Variants in NEMP2 observed in about 807,000 individuals in gnomAD.
NEMP2 encodes the protein UPF0571 transmembrane protein.
In NEMP2, 53 loss-of-function variants were observed where a neutral mutation model predicts 54.2. That is an observed-to-expected ratio of 0.98 (90% CI 0.78 to 1.23). The LOEUF (loss-of-function observed/expected upper bound fraction) is 1.23. Among genes scored for constraint, NEMP2 ranks in the 50% most tolerant of loss-of-function variants. NEMP2 has a pLI of 0.00. For synonymous variants in NEMP2, 197 were observed against 190.3 expected (o/e 1.04, Z -0.29); for missense variants, 455 against 511.3 (o/e 0.89, Z 1.06).
the NEMP2 span, among the ~76,000 whole-genome samples, chr2:190,468,913 A>C: frequency 6.6e-6 from 1 of 152,316 alleles, no homozygotes; most frequent in South Asian, 2.1e-4. Flanking sequence ...CAAGGGAGAA[A>C]GATAAATCCC....
In NEMP2 at chr2:190,510,287, T is replaced by G. The variant is rs896131668; in HGVS notation, c.1130+74A>C. 22 of 1,510,346 alleles carry G rather than the reference T, an allele frequency of 1.5e-5. No individual in the cohort carries two copies. The African/African-American group carries it at 2.4e-4, about 16-fold the overall frequency. 93.6% of individuals were successfully genotyped at this position (1,510,346 alleles called of 1,614,324 possible). A position where few individuals can be genotyped will look rare whatever the true frequency, so the allele number is the denominator to read the frequency against. ...CAGTCTATTTCTACCCTGAAGTGCC[T>G]GTACCAAACCATCATATTATTTTTT... is the stretch of plus-strand genomic sequence containing the variant. On this transcript the variant is annotated intron_variant, in intron 8 of 8. Transcript: ENST00000409150. This position sits in a 1 kb window ranked among gnomAD's most constrained non-coding sequence, Gnocchi z 5.7.
At chr2:190,544,651 A>G in the NEMP2 span, among the ~76,000 whole-genome samples, 1 of 152,206 alleles carries the variant, frequency 6.6e-6, no homozygotes, top group Non-Finnish European at 1.5e-5. Flanking sequence ...TGATTACTGA[A>G]TCATGGCTGG....
the NEMP2 span, among the ~76,000 whole-genome samples, chr2:190,466,948 A>G: frequency 6.6e-6 from 1 of 152,156 alleles, no homozygotes; most frequent in Non-Finnish European, 1.5e-5. Context: ...AGCACAATCT[A>G]CCTCCTAAAC....
rs970638281 is a variant in NEMP2 at position 190,529,408 on chromosome 2, C to T, written c.98-4030G>A. On this transcript the variant is annotated intron_variant, in intron 1 of 8. Transcript: ENST00000409150. This position sits in a 1 kb window ranked among gnomAD's most constrained non-coding sequence, Gnocchi z 4.7. ...AGCGAGCCCCCACATAAAGTTTCCT[C>T]AGTCTGCTGCAACCTTCTTCTCCCA... Among the ~76,000 whole-genome samples, 2 of 152,102 alleles carry T rather than the reference C, an allele frequency of 1.3e-5. No homozygotes were observed. The highest frequency in any genetic ancestry group is 4.1e-4 in the South Asian group (2 of 4,826).
the NEMP2 span, among the ~76,000 whole-genome samples, chr2:190,472,281 A>C: frequency 6.6e-6 from 1 of 152,248 alleles, no homozygotes; most frequent in Non-Finnish European, 1.5e-5. Context: ...AGACGATCAA[A>C]CTACTCCGAG....
At chr2:190,433,959 G>A in the NEMP2 span, among the ~76,000 whole-genome samples, 3 of 152,136 alleles carry the variant, frequency 2.0e-5, no homozygotes, top group Admixed American at 1.3e-4. The surrounding 1 kb of genome is among the most constrained non-coding windows in gnomAD (Gnocchi z 4.5). Context: ...GGGAGGCTGA[G>A]GCAAGAGGAT....
At chr2:190,551,888 C>T in the NEMP2 span, among the ~76,000 whole-genome samples, 1 of 152,324 alleles carries the variant, frequency 6.6e-6, no homozygotes, top group East Asian at 1.9e-4. Context: ...TCCCTCCTCT[C>T]CCGTTATCTG....
Position 190,525,337 on chromosome 2 carries a change from T to G in NEMP2, c.139A>C (p.Thr47Pro), listed in dbSNP as rs769096217. ...KALKEKDLIR[T>P]SESDCYCYNQ... ...TAGCAGTAACAGTCTGACTCAGACG[T>G]TCTAATTAAATCTTTTTCCTTCAAA... Residue 47 changes from threonine to proline, a missense_variant, in exon 2 of 9, where the codon ACG (threonine) becomes CCG (proline). By Grantham distance (38) the Thr-to-Pro change is conservative. Transcript: ENST00000409150. The surrounding 1 kb of genome is among the most constrained non-coding windows in gnomAD (Gnocchi z 5.0). 4.5e-6 allele frequency: 7 copies of G among 1,550,364 alleles called. No individual in the cohort carries two copies. The highest frequency in any genetic ancestry group is 6.1e-6 in the Non-Finnish European group (7 of 1,146,242).
downstream of NEMP2, chr2:190,501,845 C>T (rs947698732): frequency 6.6e-5 from 10 of 152,514 alleles, no homozygotes; most frequent in Non-Finnish European, 1.5e-5. Context: ...TTTAAGTGAC[C>T]TTTAAAATCA....
chr2:190,607,944 A>G, the NEMP2 span: 1 of 152,210 alleles, frequency 6.6e-6, no homozygotes, highest in African/African-American at 2.4e-5. The surrounding 1 kb of genome is among the most constrained non-coding windows in gnomAD (Gnocchi z 5.2). Flanking sequence ...GTCACTCCTT[A>G]TTGGTACTTT....
At chr2:190,643,023 G>GTTTTTTTTTTTTTTTTTTTTTT in the NEMP2 span, among the ~76,000 whole-genome samples, 2 of 79,566 alleles carry the variant, frequency 2.5e-5, 1 homozygote. Flanking sequence ...AATGGTTAAG[G>GTTTTTTTTTTTTTTTTTTTTTT]TTTTTTTTTT....
chr2:190,583,966 A>T, the NEMP2 span, among the ~76,000 whole-genome samples: 1 of 152,180 alleles, frequency 6.6e-6, no homozygotes, highest in East Asian at 1.9e-4. Context: ...TAGGGATGGG[A>T]ACTAAACAGG....
chr2:190,603,176 A>G, the NEMP2 span, among the ~76,000 whole-genome samples: 1 of 152,054 alleles, frequency 6.6e-6, no homozygotes. Flanking sequence ...ATATTTTTAC[A>G]CCAAGGGGTA....
the NEMP2 span, among the ~76,000 whole-genome samples, chr2:190,545,382 T>G: frequency 6.6e-6 from 1 of 152,226 alleles, no homozygotes; most frequent in South Asian, 2.1e-4. Flanking sequence ...TGGGGTAATT[T>G]CTTTTAAGAT....
At chr2:190,572,650 A>C in the NEMP2 span, among the ~76,000 whole-genome samples, 1 of 151,640 alleles carries the variant, frequency 6.6e-6, no homozygotes, top group Non-Finnish European at 1.5e-5. Flanking sequence ...CTTTTTACTT[A>C]ACATTATATC....
At chr2:190,425,475 G>C in the NEMP2 span, among the ~76,000 whole-genome samples, 1 of 152,074 alleles carries the variant, frequency 6.6e-6, no homozygotes, top group South Asian at 2.1e-4. The surrounding 1 kb of genome is among the most constrained non-coding windows in gnomAD (Gnocchi z 4.3). Flanking sequence ...GGTTTCCGTA[G>C]GTGATCTTTA....
the NEMP2 span, among the ~76,000 whole-genome samples, chr2:190,481,210 T>C: frequency 5.3e-5 from 8 of 152,244 alleles, no homozygotes; most frequent in Admixed American, 4.6e-4. Context: ...CTTAAAGGTA[T>C]GCCAAAGGCA....
chr2:190,470,503 T>C, the NEMP2 span, among the ~76,000 whole-genome samples: 1 of 152,184 alleles, frequency 6.6e-6, no homozygotes, highest in Non-Finnish European at 1.5e-5. Flanking sequence ...TTAGCTCATA[T>C]AGTACTGACC....
the NEMP2 span, among the ~76,000 whole-genome samples, chr2:190,469,089 A>C: frequency 6.6e-6 from 1 of 152,142 alleles, no homozygotes; most frequent in African/African-American, 2.4e-5. The surrounding 1 kb of genome is among the most constrained non-coding windows in gnomAD (Gnocchi z 5.3). Flanking sequence ...GGTGGGGGTG[A>C]GAGAATGCAA....
Sources: gnomAD v4.1 joint callset for allele counts (sites outside exome capture counted in the v4.1 genomes callset) on GRCh38, gnomAD v4.1.1 for gene constraint, Gnocchi (gnomAD v3.1) non-coding constraint, MANE v1.5 for transcripts, NCBI Gene and HGNC (gene_info 2026-07-23, HGNC 2026-07-21) for gene names.